Variants in ADAP1 observed in about 807,000 individuals in gnomAD.
ADAP1 encodes the protein arf-GAP with dual PH domain-containing protein 1.
ADAP1 carries 31 observed loss-of-function variants against 54.9 expected under a neutral mutation model. The ratio of observed to expected loss-of-function variants is 0.56; its 90% CI spans 0.42 to 0.76. The LOEUF is 0.76. ADAP1 is among the 30% of genes least tolerant of loss of function. The pLI is 0.00. For synonymous variants in ADAP1, 313 were observed against 202.6 expected (o/e 1.55, Z -4.63); for missense variants, 535 against 512.4 (o/e 1.04, Z -0.42).
Position 926,474 on chromosome 7 carries a change from C to A in ADAP1, c.305+79G>T. ...CCTGTGGGCGGCACCCAACTCCCCA[C>A]CCTGCCGGGTCCTCCCGGGGCCATC... On this transcript the variant is annotated intron_variant, in intron 3 of 10. Coordinates refer to ENST00000265846, the MANE Select transcript of ADAP1 (RefSeq NM_006869.4). The surrounding 1 kb of genome is among the most constrained non-coding windows in gnomAD (Gnocchi z 4.6). 9.2e-6 allele frequency: 12 copies of A among 1,301,846 alleles called. No individual in the cohort carries two copies. Among genetic ancestry groups the A allele is most frequent in the Non-Finnish European group, 1.2e-5 (12 of 971,918 alleles). 80.6% of individuals were successfully genotyped at this position (1,301,846 alleles called of 1,614,324 possible). A position where few individuals can be genotyped will look rare whatever the true frequency, so the allele number is the denominator to read the frequency against.
Position 898,661 on chromosome 7 carries a change from T to G in ADAP1, c.*260A>C. The G allele has an allele frequency of 1.8e-6, 1 of 547,220 alleles. No homozygotes were observed. Among genetic ancestry groups the G allele is most frequent in the Non-Finnish European group, 3.3e-6 (1 of 304,298 alleles). The allele number at this position is 547,220 out of a possible 1,614,324, so 33.9% of individuals were successfully genotyped here. On this transcript the variant is annotated 3_prime_UTR_variant, in exon 11 of 11. Coordinates refer to ENST00000265846, the MANE Select transcript of ADAP1 (RefSeq NM_006869.4). Reference sequence around the variant, plus strand: ...GCCCTGGAGGAAAGGGGGCCCCGGGTCAGGGAGGGGCAGGTTGGCTGGGTG... The same window carrying G: ...GCCCTGGAGGAAAGGGGGCCCCGGGGCAGGGAGGGGCAGGTTGGCTGGGTG...
intron 2 of ADAP1, among the ~76,000 whole-genome samples, chr7:932,270 C>T (rs560505930): frequency 7.0e-4 from 106 of 152,224 alleles, no homozygotes; most frequent in Non-Finnish European, 1.4e-3. Context: ...CCCCAGCCTT[C>T]CTCTCCAGCC....
At chr7:925,788 G>T (rs561764678) in intron 3 of ADAP1, among the ~76,000 whole-genome samples, 119 of 152,378 alleles carry the variant, frequency 7.8e-4, no homozygotes, top group Middle Eastern at 6.8e-3. Context: ...GCTCGTGCTC[G>T]GGGTATCTCT....
rs895830754 is a variant in ADAP1, at chr7:909,444, G to C, written c.389-4272C>G. ...GGGAACCCCGGTCCTCCCGACAGCA[G>C]GCGCCAGGACGCCGCATTCCAGGGG... On this transcript the variant is annotated intron_variant, in intron 4 of 10. Transcript: ENST00000265846. Among the ~76,000 whole-genome samples the C allele has an allele frequency of 3.3e-4, 50 of 152,272 alleles. 2 individuals carry two copies. Among genetic ancestry groups the C allele is most frequent in the Non-Finnish European group, 1.5e-4 (10 of 68,016 alleles).
chr7:949,256 G>C (rs925878049), intron 1 of ADAP1, among the ~76,000 whole-genome samples: 2 of 152,226 alleles, frequency 1.3e-5, no homozygotes, highest in Non-Finnish European at 2.9e-5. Flanking sequence ...CCTCCCCCGG[G>C]CACATGAGCA....
intron 4 of ADAP1, among the ~76,000 whole-genome samples, chr7:913,613 A>G (rs1451905596): frequency 2.0e-5 from 3 of 151,856 alleles, no homozygotes; most frequent in African/African-American, 7.3e-5. Context: ...TTGTTGCTCA[A>G]ATTACTCCCC....
chr7:939,785 C>T (rs533174450), intron 1 of ADAP1, among the ~76,000 whole-genome samples: 15 of 149,876 alleles, frequency 1.0e-4, no homozygotes, highest in African/African-American at 2.2e-4. Flanking sequence ...GAGCCGAGAT[C>T]GTGCCACTGC....
chr7:901,303 G>A (rs375149847), intron 6 of ADAP1: 119 of 309,302 alleles, frequency 3.8e-4, no homozygotes, highest in African/African-American at 2.4e-3. Flanking sequence ...CCAGACCCTT[G>A]GCCCCATGAC....
chr7:903,653 A>C (rs1157797060), intron 6 of ADAP1, among the ~76,000 whole-genome samples: 1 of 151,922 alleles, frequency 6.6e-6, no homozygotes, highest in African/African-American at 2.4e-5. Flanking sequence ...GATGCGGGGT[A>C]CACCCACCCT....
At chr7:913,569 T>TC (rs1309452896) in intron 4 of ADAP1, among the ~76,000 whole-genome samples, 1 of 152,194 alleles carries the variant, frequency 6.6e-6, no homozygotes, top group Non-Finnish European at 1.5e-5. Context: ...TGTACCTTGC[T>TC]CCCCTGTTAT....
rs575453698 is a variant in ADAP1, at chr7:915,433, C to T, written c.388+4535G>A. Among the ~76,000 whole-genome samples the T allele has an allele frequency of 4.2e-4, 64 of 152,330 alleles. No individual in the cohort carries two copies. The Middle Eastern group carries it at 0.024, about 57-fold the overall frequency. ...GGTGCTGCGGACGTGGCCGCCCCGCCGGGCCTGGTATGAGAAGCGGCCATT... is the reference window on the plus strand; with the variant it reads ...GGTGCTGCGGACGTGGCCGCCCCGCTGGGCCTGGTATGAGAAGCGGCCATT... On this transcript the variant is annotated intron_variant, in intron 4 of 10. Transcript: ENST00000265846.
Position 906,686 on chromosome 7 carries a change from A to AAAGGGGG in ADAP1, c.389-1515_389-1514insCCCCCTT, listed in dbSNP as rs1562915145. Among the ~76,000 whole-genome samples the AAAGGGGG allele has an allele frequency of 1.8e-4, 12 of 66,308 alleles. 2 individuals are homozygous for AAAGGGGG. The highest frequency in any genetic ancestry group is 2.4e-4 in the African/African-American group (3 of 12,474). The allele number at this position is 66,308 out of a possible 152,430, so 43.5% of individuals were successfully genotyped here. On this transcript the variant is annotated intron_variant, in intron 4 of 10. Transcript: ENST00000265846. Reference sequence around the variant, plus strand: ...GGGAAAGGGGACATGGACAGGGGACACGGGGGACATGGACATGGGGGACGG... The same window carrying AAAGGGGG: ...GGGAAAGGGGACATGGACAGGGGACAAAGGGGGCGGGGGACATGGACATGGGGGACGG...
rs1847102854 is a variant in ADAP1, at chr7:945,032, C to T, written c.82+9364G>A. On this transcript the variant is annotated intron_variant, in intron 1 of 10. Transcript: ENST00000265846. This position sits in a 1 kb window ranked among gnomAD's most constrained non-coding sequence, Gnocchi z 4.2. ...CTGATTTGAGTATGCTGAAGCTCTG[C>T]AGGGTGGGCTCACGTGTGTGTGTGC... Among the ~76,000 whole-genome samples, 1 of 152,218 alleles carries T rather than the reference C, an allele frequency of 6.6e-6. No individual in the cohort carries two copies. The highest frequency in any genetic ancestry group is 1.9e-4 in the East Asian group (1 of 5,168).
At chr7:923,718 G>A (rs558170435) in intron 3 of ADAP1, among the ~76,000 whole-genome samples, 4 of 152,284 alleles carry the variant, frequency 2.6e-5, no homozygotes, top group South Asian at 2.1e-4. Context: ...AGGGCATGGC[G>A]TGGGGGGCCT....
chr7:905,126 C>T lies in ADAP1; in HGVS notation c.435G>A (p.Gln145=), dbSNP rs755327206. 6.2e-7 allele frequency: 1 copy of T among 1,612,474 alleles called. No individual in the cohort carries two copies. The highest frequency in any genetic ancestry group is 1.7e-5 in the Admixed American group (1 of 60,026). ...FLWKRGRDNG[Q]FLSRKFVLTE... The stretch of plus-strand genomic sequence containing the variant: ...TCAGCACAAACTTCCGGCTCAAAAA[C>T]TGCCCGTTGTCCCGGCCACGCTTCC... Residue 145 remains glutamine (Q), a synonymous_variant, in exon 5 of 11, where the codon CAG becomes CAA. Coordinates refer to ENST00000265846, the MANE Select transcript of ADAP1 (RefSeq NM_006869.4).
intron 1 of ADAP1, among the ~76,000 whole-genome samples, chr7:951,669 A>G (rs1365991359): frequency 6.6e-6 from 1 of 152,128 alleles, no homozygotes; most frequent in Admixed American, 6.6e-5. Context: ...CTGGAGGCAG[A>G]GGCTGCAGTG....
At chr7:953,299 T>C (rs756561726) in intron 1 of ADAP1, among the ~76,000 whole-genome samples, 6 of 152,192 alleles carry the variant, frequency 3.9e-5, no homozygotes, top group African/African-American at 7.2e-5. Flanking sequence ...ATCTCCCCTC[T>C]GGGACACCCC....
At position 938,485 on chromosome 7, in the gene ADAP1, A is replaced by G. The variant is rs936781518; in HGVS notation, c.83-2980T>C. Among the ~76,000 whole-genome samples the G allele has an allele frequency of 6.6e-6, 1 of 152,178 alleles. No homozygotes were observed. Among genetic ancestry groups the G allele is most frequent in the Non-Finnish European group, 1.5e-5 (1 of 68,026 alleles). On this transcript the variant is annotated intron_variant, in intron 1 of 10. Transcript: ENST00000265846. This position sits in a 1 kb window ranked among gnomAD's most constrained non-coding sequence, Gnocchi z 4.4. ...ATGTGTGACGCCGTGTCTGGCCTGC[A>G]AAGTATTTAGTTACACACACCCCTG...
chr7:898,319 C>G lies in ADAP1; in HGVS notation c.*602G>C, dbSNP rs1461067014. On this transcript the variant is annotated 3_prime_UTR_variant, in exon 11 of 11. Coordinates refer to ENST00000265846, the MANE Select transcript of ADAP1 (RefSeq NM_006869.4). Reference sequence around the variant, plus strand: ...GAGGCCACGTGTGGTGGGACGGCAGCCTGCTGGCCCCTCCAGGTGAGGACC... The same window carrying G: ...GAGGCCACGTGTGGTGGGACGGCAGGCTGCTGGCCCCTCCAGGTGAGGACC... 1.2e-5 allele frequency: 2 copies of G among 164,120 alleles called. No homozygotes were observed. The highest frequency in any genetic ancestry group is 2.7e-5 in the Non-Finnish European group (2 of 74,776). 10.2% of individuals were successfully genotyped at this position (164,120 alleles called of 1,614,324 possible). A position where few individuals can be genotyped will look rare whatever the true frequency, so the allele number is the denominator to read the frequency against.
Sources: gnomAD v4.1 joint callset for allele counts (sites outside exome capture counted in the v4.1 genomes callset) on GRCh38, gnomAD v4.1.1 for gene constraint, Gnocchi (gnomAD v3.1) non-coding constraint, MANE v1.5 for transcripts, NCBI Gene and HGNC (gene_info 2026-07-23, HGNC 2026-07-21) for gene names.